Variants in PICALM observed in about 807,000 individuals in gnomAD.
PICALM encodes phosphatidylinositol binding clathrin assembly protein.
Under a neutral mutation model 80.5 loss-of-function variants are expected in PICALM, and 40 were observed. The observed-to-expected ratio is 0.50, with a 90% confidence interval of 0.39 to 0.65. PICALM has a LOEUF of 0.65. Among genes scored for constraint, PICALM ranks in the 30% least tolerant of loss-of-function variants. The probability of loss-of-function intolerance (pLI) is 0.00; values close to 1 mark genes in which losing one functional copy is unlikely to be tolerated. For synonymous variants in PICALM, 288 were observed against 260.3 expected (o/e 1.11, Z -1.02); for missense variants, 676 against 778.9 (o/e 0.87, Z 1.57).
At chr11:86,003,267 C>A in intron 9 of PICALM, 99 bp downstream of exon 9, 3 of 593,596 alleles carry the variant, frequency 5.1e-6, no homozygotes, top group Non-Finnish European at 6.1e-6. Flanking sequence ...AAAATGAAAT[C>A]AAGATATAGA....
rs536047537 is a variant in PICALM at position 86,067,411 on chromosome 11, T to C, written c.130+1240A>G. ...TGAAAAGTTTCAGGTCTAAGCTCCATTGGCTTGAGTGATCCAATGAGCTTT... is the reference window on the plus strand; with the variant it reads ...TGAAAAGTTTCAGGTCTAAGCTCCACTGGCTTGAGTGATCCAATGAGCTTT... On this transcript the variant is annotated intron_variant, in intron 1 of 19. Transcript: ENST00000393346. 6.6e-5 allele frequency among the ~76,000 whole-genome samples: 10 copies of C among 152,314 alleles called. No homozygotes were observed. The South Asian group carries it at 1.7e-3, about 25-fold the overall frequency.
At chr11:85,981,606 C>CAAA in intron 16 of PICALM, 139 bp downstream of exon 16, 38 of 544,420 alleles carry the variant, frequency 7.0e-5, no homozygotes, top group Middle Eastern at 4.8e-4. Context: ...GACTCCGTGT[C>CAAA]AAAAAAAAAA....
intron 19 of PICALM, among the ~76,000 whole-genome samples, chr11:85,968,210 C>G (rs1319603131): frequency 6.6e-6 from 1 of 152,076 alleles, no homozygotes; most frequent in Non-Finnish European, 1.5e-5. Flanking sequence ...GCAGTCTTAG[C>G]TACCCTGGAG....
Position 86,068,807 on chromosome 11 carries a change from C to A in PICALM, c.-27G>T. On this transcript the variant is annotated 5_prime_UTR_variant, in exon 1 of 20. Transcript: ENST00000393346. The stretch of plus-strand genomic sequence containing the variant: ...TCTGCAGCTCCTCCACCACCCCACC[C>A]GCTCAGCAGCCGGCGGGGACTGGGA... 6.3e-7 allele frequency: 1 copy of A among 1,583,180 alleles called. No homozygotes were observed. Among genetic ancestry groups the A allele is most frequent in the East Asian group, 2.3e-5 (1 of 43,586 alleles).
At chr11:86,004,841 T>C (rs933528225) in intron 8 of PICALM, among the ~76,000 whole-genome samples, 1 of 152,150 alleles carries the variant, frequency 6.6e-6, no homozygotes, top group African/African-American at 2.4e-5. Context: ...AGAAAACCAT[T>C]TAAAACCAAA....
intron 1 of PICALM, among the ~76,000 whole-genome samples, chr11:86,057,659 T>C (rs1374519486): frequency 6.6e-6 from 1 of 152,180 alleles, no homozygotes; most frequent in Non-Finnish European, 1.5e-5. Context: ...GATTCAATCA[T>C]GAATCGAAAA....
At chr11:85,984,693 A>T (rs888276972) in intron 13 of PICALM, among the ~76,000 whole-genome samples, 7 of 152,330 alleles carry the variant, frequency 4.6e-5, no homozygotes, top group South Asian at 2.1e-4. Context: ...ACACAAAACC[A>T]TTAACAGACC....
intron 1 of PICALM, among the ~76,000 whole-genome samples, chr11:86,057,283 AATC>A (rs1565586079): frequency 6.6e-6 from 1 of 152,218 alleles, no homozygotes; most frequent in South Asian, 2.1e-4. Flanking sequence ...TCACGCCTGC[AATC>A]CCAGCACTTT....
chr11:85,990,737 G>A (rs924977594), intron 12 of PICALM, among the ~76,000 whole-genome samples: 5 of 152,132 alleles, frequency 3.3e-5, no homozygotes, highest in African/African-American at 4.8e-5. Flanking sequence ...TGTGCTGGTC[G>A]TGGTGGTATA....
At chr11:85,962,927 A>C (rs542358539) in intron 19 of PICALM, among the ~76,000 whole-genome samples, 7 of 152,326 alleles carry the variant, frequency 4.6e-5, no homozygotes, top group Admixed American at 3.9e-4. Context: ...CTGGTGAGAA[A>C]GTAGTCACCC....
At chr11:86,062,238 C>T (rs1465673281) in intron 1 of PICALM, among the ~76,000 whole-genome samples, 9 of 152,152 alleles carry the variant, frequency 5.9e-5, no homozygotes, top group African/African-American at 1.7e-4. Context: ...AAACCTTGGC[C>T]GGGCGCAGTG....
chr11:85,985,751 G>C (rs369266691), intron 13 of PICALM, among the ~76,000 whole-genome samples: 39 of 152,322 alleles, frequency 2.6e-4, no homozygotes, highest in African/African-American at 9.4e-4. Flanking sequence ...TCATCAGAGT[G>C]TAAGTAGTAC....
At chr11:85,963,225 A>G (rs568818673) in intron 19 of PICALM, among the ~76,000 whole-genome samples, 1 of 152,360 alleles carries the variant, frequency 6.6e-6, no homozygotes, top group African/African-American at 2.4e-5. Flanking sequence ...ACATAAAGCT[A>G]TTCACATAAA....
intron 1 of PICALM, among the ~76,000 whole-genome samples, chr11:86,042,135 C>T (rs1011652398): frequency 2.0e-5 from 3 of 152,098 alleles, no homozygotes; most frequent in East Asian, 3.9e-4. Context: ...TGCATTCAGG[C>T]TCATCTGTAA....
chr11:86,033,754 C>A (rs2095798664), intron 1 of PICALM, among the ~76,000 whole-genome samples: 1 of 152,122 alleles, frequency 6.6e-6, no homozygotes, highest in Non-Finnish European at 1.5e-5. Context: ...TCAACTCTAT[C>A]CCCAAAGACC....
At chr11:85,984,625 C>CCA (rs1237254249) in intron 13 of PICALM, among the ~76,000 whole-genome samples, 1 of 152,122 alleles carries the variant, frequency 6.6e-6, no homozygotes, top group African/African-American at 2.4e-5. Context: ...GTACTTGCAA[C>CCA]AGTGGGGATG....
At chr11:85,964,333 A>G (rs979970599) in intron 19 of PICALM, among the ~76,000 whole-genome samples, 1 of 152,232 alleles carries the variant, frequency 6.6e-6, no homozygotes, top group African/African-American at 2.4e-5. Context: ...GTAGAGATTC[A>G]TTCTGTCTCA....
chr11:86,018,853 C>T (rs1194316133), intron 4 of PICALM, among the ~76,000 whole-genome samples: 1 of 150,996 alleles, frequency 6.6e-6, no homozygotes, highest in Non-Finnish European at 1.5e-5. Flanking sequence ...CACGCCACTG[C>T]ACCCCAGCCT....
chr11:85,982,120 A>AG lies in PICALM; in HGVS notation c.1517-118_1517-117insC, dbSNP rs1175856532. 175 of 851,594 alleles carry AG rather than the reference A, an allele frequency of 2.1e-4. 2 individuals carry two copies. The highest frequency in any genetic ancestry group is 3.9e-6 in the Non-Finnish European group (2 of 519,088). 52.8% of individuals were successfully genotyped at this position (851,594 alleles called of 1,614,324 possible). A position where few individuals can be genotyped will look rare whatever the true frequency, so the allele number is the denominator to read the frequency against. On this transcript the variant is annotated intron_variant, in intron 14 of 19. Coordinates refer to ENST00000393346, the MANE Select transcript of PICALM (RefSeq NM_007166.4). ...ATTCACTGGAAAAGTTATCCAAAAA[A>AG]TAGACATTAGTAAATGTCTTTAAAT...
Sources: allele counts gnomAD v4.1 joint callset (sites outside exome capture counted in the v4.1 genomes callset), GRCh38; gene constraint gnomAD v4.1.1; transcripts MANE v1.5; gene names NCBI Gene and HGNC (gene_info 2026-07-23, HGNC 2026-07-21).